Variants in ADAM29 observed in about 807,000 individuals in gnomAD.
ADAM29 encodes disintegrin and metalloproteinase domain-containing protein 29.
For synonymous variants in ADAM29, 367 were observed against 342.3 expected (o/e 1.07, Z -0.80); for missense variants, 969 against 1,001.8 (o/e 0.97, Z 0.44).
At chr4:174,957,640 A>T (rs1158268274) in intron 4 of ADAM29, among the ~76,000 whole-genome samples, 1 of 151,780 alleles carries the variant, frequency 6.6e-6, no homozygotes, top group Non-Finnish European at 1.5e-5. Flanking sequence ...TACACTGAAG[A>T]TTCAAGCAGC....
chr4:174,962,563 G>A (rs545175426), intron 4 of ADAM29, among the ~76,000 whole-genome samples: 28 of 151,704 alleles, frequency 1.8e-4, no homozygotes, highest in African/African-American at 6.8e-4. Context: ...AAGACATTGT[G>A]CATCAGAGTG....
chr4:174,977,267 G>A lies in ADAM29; in HGVS notation c.1742G>A (p.Cys581Tyr), dbSNP rs919911441. The A allele has an allele frequency of 6.2e-7, 1 of 1,613,976 alleles. No homozygotes were observed. The highest frequency in any genetic ancestry group is 8.5e-7 in the Non-Finnish European group (1 of 1,180,018). Residue 581 changes from cysteine (C) to tyrosine (Y), a missense_variant, in exon 5 of 5, where the codon TGC becomes TAC. Physicochemically the swap from Cys to Tyr is radical, Grantham distance 194 (BLOSUM62 -2). Transcript: ENST00000359240. Reference protein sequence around the residue: ...VHWARFNDIMCWSTDYHLGMK... With the variant: ...VHWARFNDIMYWSTDYHLGMK... ...TGGGCTCGCTTCAATGACATAATGT[G>A]CTGGAGTACTGATTACCATTTGGGG...
At chr4:174,975,106 C>T (rs550971168) in intron 4 of ADAM29, among the ~76,000 whole-genome samples, 11 of 152,164 alleles carry the variant, frequency 7.2e-5, no homozygotes, top group South Asian at 4.1e-4. Context: ...AATTTCCCAC[C>T]GTTTATATTC....
intron 4 of ADAM29, among the ~76,000 whole-genome samples, chr4:174,951,998 CAA>C (rs999974516): frequency 2.6e-5 from 4 of 151,818 alleles, no homozygotes; most frequent in African/African-American, 9.7e-5. Flanking sequence ...TGAAAATTCC[CAA>C]GAGAGTAGAT....
intron 4 of ADAM29, among the ~76,000 whole-genome samples, chr4:174,946,006 C>CT (rs1229330117): frequency 2.0e-5 from 3 of 151,904 alleles, no homozygotes; most frequent in African/African-American, 7.2e-5. Flanking sequence ...TTTTTCAAAA[C>CT]TTTTTTTCTA....
chr4:174,976,794 C>G lies in ADAM29; in HGVS notation c.1269C>G (p.Pro423=). The change falls in exon 5 of 5, where the codon CCC becomes CCG. Residue 423 remains proline (P), a synonymous_variant. Coordinates refer to ENST00000359240, the MANE Select transcript of ADAM29 (RefSeq NM_014269.4). ...CGPLKHCAKD[P]CCLSNCTLTD... is the part of the protein sequence containing the mutation. ...CTTTAAAGCATTGTGCAAAAGATCC[C>G]TGCTGTCTGTCAAATTGCACTCTGA... 1 of 1,614,086 alleles carries G rather than the reference C, an allele frequency of 6.2e-7. No individual in the cohort carries two copies. The highest frequency in any genetic ancestry group is 1.3e-5 in the African/African-American group (1 of 75,000).
At chr4:174,919,121 G>C (rs1743031280) in intron 1 of ADAM29, 1 of 152,102 alleles carries the variant, frequency 6.6e-6, no homozygotes, top group South Asian at 2.1e-4. Flanking sequence ...CTGAGCTCTA[G>C]GACTGACTCC....
chr4:174,950,123 G>A (rs957763181), intron 4 of ADAM29, among the ~76,000 whole-genome samples: 2 of 152,058 alleles, frequency 1.3e-5, no homozygotes, highest in African/African-American at 4.8e-5. Context: ...TAAAAGTATT[G>A]ATTTTACCAG....
At position 174,975,531 on chromosome 4, in the gene ADAM29, G is replaced by A. The variant is rs773088262; in HGVS notation, c.6G>A (p.Lys2=). Reference sequence around the variant, plus strand: ...GATTTGAAGCCTTTTTGAACATGAAGATGTTACTCCTGCTGCATTGCCTTG... The same window carrying A: ...GATTTGAAGCCTTTTTGAACATGAAAATGTTACTCCTGCTGCATTGCCTTG... M[K]MLLLLHCLGV... is the part of the protein sequence containing the mutation. Residue 2 remains lysine (K), a synonymous_variant, in exon 5 of 5, where the codon AAG becomes AAA. Transcript: ENST00000359240. The A allele has an allele frequency of 6.6e-7, 1 of 1,503,978 alleles. No individual in the cohort carries two copies. The highest frequency in any genetic ancestry group is 8.9e-7 in the Non-Finnish European group (1 of 1,126,090). 93.2% of individuals were successfully genotyped at this position (1,503,978 alleles called of 1,614,324 possible).
intron 3 of ADAM29, among the ~76,000 whole-genome samples, chr4:174,933,627 C>T (rs931629568): frequency 6.6e-6 from 1 of 152,196 alleles, no homozygotes; most frequent in African/African-American, 2.4e-5. Context: ...CTTCCTCCTC[C>T]TTTCCTCCAT....
At chr4:174,958,000 A>G (rs1029244576) in intron 4 of ADAM29, among the ~76,000 whole-genome samples, 11 of 151,800 alleles carry the variant, frequency 7.2e-5, no homozygotes, top group Admixed American at 5.3e-4. Context: ...TCTTTCTGTT[A>G]TAGTTTAATT....
intron 4 of ADAM29, among the ~76,000 whole-genome samples, chr4:174,946,410 G>A (rs953079782): frequency 2.0e-5 from 3 of 152,024 alleles, no homozygotes; most frequent in Non-Finnish European, 4.4e-5. Context: ...AGACTATGAG[G>A]CTTTGTAGTT....
chr4:174,966,933 G>C (rs546917912), intron 4 of ADAM29, among the ~76,000 whole-genome samples: 75 of 152,272 alleles, frequency 4.9e-4, no homozygotes, highest in African/African-American at 1.6e-3. Context: ...AGTTCAAACT[G>C]GTAGTGTGCC....
chr4:174,965,528 A>G (rs1462285819), intron 4 of ADAM29, among the ~76,000 whole-genome samples: 2 of 151,584 alleles, frequency 1.3e-5, no homozygotes, highest in East Asian at 3.9e-4. Flanking sequence ...TCTATCATCT[A>G]TCATCTATTT....
intron 4 of ADAM29, among the ~76,000 whole-genome samples, chr4:174,970,653 A>G (rs1423420331): frequency 6.6e-6 from 1 of 152,152 alleles, no homozygotes; most frequent in Non-Finnish European, 1.5e-5. Context: ...GCTTTAAGAC[A>G]CTGAGATTGT....
chr4:174,941,593 C>T (rs906524602), intron 4 of ADAM29, among the ~76,000 whole-genome samples: 10 of 152,068 alleles, frequency 6.6e-5, no homozygotes, highest in Non-Finnish European at 1.5e-4. Flanking sequence ...AGAACTCACT[C>T]ACTGTCATGG....
At chr4:174,969,617 A>G (rs1431945125) in intron 4 of ADAM29, among the ~76,000 whole-genome samples, 1 of 152,062 alleles carries the variant, frequency 6.6e-6, no homozygotes. Flanking sequence ...AGTAATGTAC[A>G]TACATAAAAG....
At chr4:174,944,131 T>C (rs1478374659) in intron 4 of ADAM29, among the ~76,000 whole-genome samples, 2 of 151,842 alleles carry the variant, frequency 1.3e-5, no homozygotes, top group East Asian at 3.9e-4. Context: ...CAAAAAGTAA[T>C]AGCAAAACTT....
intron 4 of ADAM29, among the ~76,000 whole-genome samples, chr4:174,968,555 A>G (rs1184963276): frequency 6.6e-6 from 1 of 152,028 alleles, no homozygotes; most frequent in African/African-American, 2.4e-5. Flanking sequence ...ATCTTGAATC[A>G]TGTGCTGGTT....
Sources: gnomAD v4.1 joint callset for allele counts (sites outside exome capture counted in the v4.1 genomes callset) on GRCh38, gnomAD v4.1.1 for gene constraint, MANE v1.5 for transcripts, NCBI Gene and HGNC (gene_info 2026-07-23, HGNC 2026-07-21) for gene names.